TMEM117: variants seen among roughly 807,000 people sequenced by gnomAD.
TMEM117 encodes transmembrane protein 117.
Under a neutral mutation model 52.4 loss-of-function variants are expected in TMEM117, and 27 were observed. That is an observed-to-expected ratio of 0.51 (90% CI 0.38 to 0.71). The LOEUF is 0.71. Ranked by LOEUF, TMEM117 falls within the 30% of genes least tolerant of loss-of-function variation. The probability of loss-of-function intolerance (pLI) is 0.00; values close to 1 mark genes in which losing one functional copy is unlikely to be tolerated. For synonymous variants in TMEM117, 215 were observed against 206.3 expected (o/e 1.04, Z -0.36); for missense variants, 556 against 630.5 (o/e 0.88, Z 1.26).
intron 6 of TMEM117, among the ~76,000 whole-genome samples, chr12:44,327,835 T>C (rs1269360419): frequency 6.6e-6 from 1 of 152,128 alleles, no homozygotes; most frequent in Non-Finnish European, 1.5e-5. Context: ...AACTCCACAG[T>C]TGCCAAGATC....
chr12:43,813,208 GT>G, the TMEM117 span, among the ~76,000 whole-genome samples: 1 of 119,312 alleles, frequency 8.4e-6, no homozygotes, highest in Admixed American at 8.6e-5. Context: ...TTTCATTCAG[GT>G]TTTCTGAACT....
intron 3 of TMEM117, among the ~76,000 whole-genome samples, chr12:44,047,294 C>T (rs1463133472): frequency 6.6e-6 from 1 of 152,062 alleles, no homozygotes; most frequent in Non-Finnish European, 1.5e-5. Flanking sequence ...ATTGTATTTG[C>T]ATTTGAGCTC....
intron 3 of TMEM117, among the ~76,000 whole-genome samples, chr12:44,008,445 G>A (rs1404292587): frequency 1.3e-5 from 2 of 152,192 alleles, no homozygotes; most frequent in Admixed American, 1.3e-4. Flanking sequence ...TTATGTATAA[G>A]TCTTGTGCTA....
In TMEM117 at chr12:44,321,353, C is replaced by CT. The variant is rs1951127043; in HGVS notation, c.768+21614_768+21615insT. 5.9e-5 allele frequency among the ~76,000 whole-genome samples: 9 copies of CT among 152,210 alleles called. No homozygotes were observed. The South Asian group carries it at 1.9e-3, about 32-fold the overall frequency. On this transcript the variant is annotated intron_variant, in intron 6 of 7. Coordinates refer to ENST00000266534, the MANE Select transcript of TMEM117 (RefSeq NM_032256.3). Reference sequence around the variant, plus strand: ...TGAAATGGGTATCCTCTATGCGTGCCATTGGCATATCTCCTAGAGACAGCT... The same window carrying CT: ...TGAAATGGGTATCCTCTATGCGTGCCTATTGGCATATCTCCTAGAGACAGCT...
intron 2 of TMEM117, among the ~76,000 whole-genome samples, chr12:43,924,781 A>G (rs1420918506): frequency 6.6e-6 from 1 of 152,170 alleles, no homozygotes; most frequent in Non-Finnish European, 1.5e-5. Flanking sequence ...TTGCTGTGTA[A>G]CAAACACATC....
chr12:44,170,243 A>T (rs1949025932), intron 4 of TMEM117, among the ~76,000 whole-genome samples: 2 of 138,074 alleles, frequency 1.4e-5, no homozygotes, highest in South Asian at 4.5e-4. Context: ...GAATTGAACA[A>T]TGAGAACACA....
intron 5 of TMEM117, among the ~76,000 whole-genome samples, chr12:44,287,510 A>G (rs1950652752): frequency 6.6e-6 from 1 of 152,146 alleles, no homozygotes; most frequent in Non-Finnish European, 1.5e-5. Context: ...ATGAGGTTCC[A>G]TTTTCACTGC....
At chr12:44,021,575 C>T (rs1271460724) in intron 3 of TMEM117, among the ~76,000 whole-genome samples, 1 of 152,146 alleles carries the variant, frequency 6.6e-6, no homozygotes, top group African/African-American at 2.4e-5. Context: ...TAAATATAGC[C>T]CAAATAAGCA....
chr12:44,262,936 A>G (rs2138544641), intron 5 of TMEM117, among the ~76,000 whole-genome samples: 1 of 152,338 alleles, frequency 6.6e-6, no homozygotes, highest in African/African-American at 2.4e-5. Context: ...CAGTTACTTT[A>G]AGAATGGAAA....
chr12:43,848,485 T>C (rs916391400), intron 2 of TMEM117, among the ~76,000 whole-genome samples: 5 of 152,218 alleles, frequency 3.3e-5, no homozygotes, highest in Admixed American at 6.5e-5. Flanking sequence ...ATATGTTTCC[T>C]ACTTGCATGT....
intron 2 of TMEM117, among the ~76,000 whole-genome samples, chr12:43,863,243 C>G (rs1183930767): frequency 6.8e-6 from 1 of 147,350 alleles, no homozygotes; most frequent in East Asian, 2.1e-4. Flanking sequence ...GAAACTCTGT[C>G]TCAAAAACAG....
chr12:44,231,319 T>G (rs1949930166), intron 5 of TMEM117, among the ~76,000 whole-genome samples: 1 of 151,926 alleles, frequency 6.6e-6, no homozygotes, highest in Admixed American at 6.6e-5. Flanking sequence ...ATCTCTAGTT[T>G]CGTTTTCATT....
intron 4 of TMEM117, among the ~76,000 whole-genome samples, chr12:44,187,825 T>C (rs1237458458): frequency 1.3e-5 from 2 of 152,140 alleles, no homozygotes; most frequent in African/African-American, 4.8e-5. Flanking sequence ...CCCTCTGTAA[T>C]ATCCTAAGTG....
intron 3 of TMEM117, among the ~76,000 whole-genome samples, chr12:43,998,469 T>G (rs1488401472): frequency 6.6e-6 from 1 of 152,232 alleles, no homozygotes; most frequent in East Asian, 1.9e-4. Context: ...TCTAGACCAT[T>G]GATATTAAAG....
intron 5 of TMEM117, among the ~76,000 whole-genome samples, chr12:44,270,572 T>C (rs933654732): frequency 6.6e-6 from 1 of 152,138 alleles, no homozygotes; most frequent in African/African-American, 2.4e-5. Context: ...AGTGACAGTT[T>C]TACTTCCTCT....
intron 6 of TMEM117, among the ~76,000 whole-genome samples, chr12:44,315,303 G>C (rs1443292869): frequency 1.3e-5 from 2 of 152,096 alleles, no homozygotes; most frequent in Non-Finnish European, 2.9e-5. Context: ...TTTGGAGTTA[G>C]TTTATTCTTA....
chr12:43,870,601 GGTATATACCCAGTTATATACCCA>G (rs1412389590), intron 2 of TMEM117, among the ~76,000 whole-genome samples: 2 of 151,820 alleles, frequency 1.3e-5, no homozygotes, highest in African/African-American at 4.8e-5. Context: ...TATTCTTTTG[GGTATATACCCAGTTATATACCCA>G]GTATATACCC....
intron 3 of TMEM117, among the ~76,000 whole-genome samples, chr12:43,945,017 A>C (rs1945107052): frequency 1.3e-5 from 2 of 152,032 alleles, no homozygotes; most frequent in Non-Finnish European, 1.5e-5. Context: ...AGGCTGAGGC[A>C]GGAGAATTGC....
intron 4 of TMEM117, among the ~76,000 whole-genome samples, chr12:44,184,175 G>A (rs940621676): frequency 1.3e-5 from 2 of 151,992 alleles, no homozygotes; most frequent in African/African-American, 4.8e-5. Context: ...GCGAAATCCC[G>A]TCTCTACTAA....
Sources: allele counts gnomAD v4.1 joint callset (sites outside exome capture counted in the v4.1 genomes callset), GRCh38; gene constraint gnomAD v4.1.1; transcripts MANE v1.5; gene names NCBI Gene and HGNC (gene_info 2026-07-23, HGNC 2026-07-21).